RIMS1: variants seen among roughly 807,000 people sequenced by gnomAD.
RIMS1 encodes the protein regulating synaptic membrane exocytosis 1.
RIMS1 carries 83 observed loss-of-function variants against 214.1 expected under a neutral mutation model. The observed-to-expected ratio is 0.39, with a 90% CI of 0.32 to 0.47. The LOEUF (loss-of-function observed/expected upper bound fraction) is 0.47. RIMS1 is among the 20% of genes least tolerant of loss of function. The pLI is 0.99. For missense variants in RIMS1, 2,050 were observed against 2,161.8 expected, an observed-to-expected ratio of 0.95 and a Z score of 1.03; for synonymous variants, 793 against 786.8, an observed-to-expected ratio of 1.01 and a Z score of -0.13.
At chr6:71,922,221 C>T (rs933160563) in intron 1 of RIMS1, among the ~76,000 whole-genome samples, 2 of 152,144 alleles carry the variant, frequency 1.3e-5, no homozygotes, top group Non-Finnish European at 2.9e-5. Context: ...GGCATTAATA[C>T]ACTCACAGTG....
intron 29 of RIMS1, among the ~76,000 whole-genome samples, chr6:72,336,444 G>A (rs2096847318): frequency 6.6e-6 from 1 of 151,804 alleles, no homozygotes; most frequent in African/African-American, 2.4e-5. Flanking sequence ...CCCAGAAGAT[G>A]TATTGTTAAT....
chr6:72,129,276 A>T (rs1400200519), intron 4 of RIMS1, among the ~76,000 whole-genome samples: 1 of 152,176 alleles, frequency 6.6e-6, no homozygotes, highest in Non-Finnish European at 1.5e-5. Flanking sequence ...CCTCAGCAGC[A>T]TGTGAATCTG....
intron 2 of RIMS1, among the ~76,000 whole-genome samples, chr6:72,066,523 T>C (rs560480111): frequency 3.7e-4 from 57 of 152,294 alleles, no homozygotes; most frequent in Middle Eastern, 6.8e-3. Context: ...ATAAAGAAAC[T>C]GGATCCTTTT....
At chr6:72,394,191 A>G (rs1178687562) in intron 31 of RIMS1, among the ~76,000 whole-genome samples, 1 of 152,208 alleles carries the variant, frequency 6.6e-6, no homozygotes, top group Non-Finnish European at 1.5e-5. Flanking sequence ...GATAAAATCT[A>G]TAGAATACCT....
chr6:72,271,598 G>T (rs553931236), intron 22 of RIMS1, among the ~76,000 whole-genome samples: 2 of 151,966 alleles, frequency 1.3e-5, no homozygotes. Context: ...GCAAGTACAG[G>T]TATTAATAAT....
At chr6:72,276,507 G>C (rs1306199012) in intron 23 of RIMS1, among the ~76,000 whole-genome samples, 1 of 152,012 alleles carries the variant, frequency 6.6e-6, no homozygotes, top group African/African-American at 2.4e-5. Flanking sequence ...AACTATAAGA[G>C]TAGATTTTGG....
chr6:72,199,094 A>G (rs1213595273), intron 6 of RIMS1, among the ~76,000 whole-genome samples: 1 of 152,102 alleles, frequency 6.6e-6, no homozygotes, highest in Non-Finnish European at 1.5e-5. Context: ...GGAGGCTCCA[A>G]TAAGAAAGTC....
chr6:71,915,088 T>C (rs1359392944), intron 1 of RIMS1, among the ~76,000 whole-genome samples: 1 of 152,148 alleles, frequency 6.6e-6, no homozygotes, highest in Non-Finnish European at 1.5e-5. Context: ...AAAGTATCCC[T>C]AAATGTTGCA....
chr6:72,364,444 G>A (rs1428897725), intron 29 of RIMS1, among the ~76,000 whole-genome samples: 8 of 152,216 alleles, frequency 5.3e-5, no homozygotes, highest in Middle Eastern at 6.8e-3. Flanking sequence ...AATGTGAATC[G>A]TTTATAGTCT....
chr6:71,902,718 C>T (rs1398505007), intron 1 of RIMS1, among the ~76,000 whole-genome samples: 1 of 152,016 alleles, frequency 6.6e-6, no homozygotes, highest in African/African-American at 2.4e-5. Flanking sequence ...TATTGTTTCT[C>T]TCCATGTGTC....
At chr6:72,167,418 T>C (rs1168714398) in intron 4 of RIMS1, among the ~76,000 whole-genome samples, 1 of 152,118 alleles carries the variant, frequency 6.6e-6, no homozygotes, top group African/African-American at 2.4e-5. Flanking sequence ...GTCAGGATTT[T>C]AGTATTAGGG....
intron 4 of RIMS1, among the ~76,000 whole-genome samples, chr6:72,158,560 TC>T (rs1327366374): frequency 1.3e-5 from 1 of 75,452 alleles, no homozygotes; most frequent in South Asian, 6.5e-4. Flanking sequence ...CCCTCCGCCC[TC>T]CCCCCACCCC....
At chr6:72,086,349 A>G (rs1286585045) in intron 2 of RIMS1, among the ~76,000 whole-genome samples, 1 of 152,164 alleles carries the variant, frequency 6.6e-6, no homozygotes, top group South Asian at 2.1e-4. Flanking sequence ...TTAGATTAGT[A>G]AAGTATTGAT....
At position 72,235,748 on chromosome 6, in the gene RIMS1, A is replaced by G. The variant is rs755565836; in HGVS notation, c.1857+20A>G. 5 of 1,481,292 alleles carry G rather than the reference A, an allele frequency of 3.4e-6. No homozygotes were observed. The highest frequency in any genetic ancestry group is 2.3e-5 in the East Asian group (1 of 42,910). 91.8% of individuals were successfully genotyped at this position (1,481,292 alleles called of 1,614,324 possible). A position where few individuals can be genotyped will look rare whatever the true frequency, so the allele number is the denominator to read the frequency against. ...CTGAAAGTAAGTATGCTGGTTTAAA[A>G]TGTTTCTTAAAGGGTGAATTACAGT... On this transcript the variant is annotated intron_variant, in intron 8 of 33. Coordinates refer to ENST00000521978, the MANE Select transcript of RIMS1 (RefSeq NM_014989.7).
chr6:72,131,363 T>C (rs1008004970), intron 4 of RIMS1, among the ~76,000 whole-genome samples: 5 of 152,174 alleles, frequency 3.3e-5, no homozygotes, highest in African/African-American at 9.7e-5. Flanking sequence ...ACGTAGGTTC[T>C]TTTCTGTTTT....
At chr6:72,270,799 C>A (rs949501347) in intron 22 of RIMS1, among the ~76,000 whole-genome samples, 1 of 152,130 alleles carries the variant, frequency 6.6e-6, no homozygotes, top group African/African-American at 2.4e-5. Flanking sequence ...GTGCCCAATT[C>A]TTTACCATGG....
chr6:72,395,751 CAT>C (rs752086707), intron 31 of RIMS1, among the ~76,000 whole-genome samples: 19 of 152,014 alleles, frequency 1.2e-4, no homozygotes, highest in African/African-American at 2.6e-4. Flanking sequence ...GAATTATTCA[CAT>C]GTTTCTAGCA....
chr6:72,170,207 A>G (rs879869476), intron 4 of RIMS1, among the ~76,000 whole-genome samples: 4 of 77,566 alleles, frequency 5.2e-5, no homozygotes, highest in Admixed American at 5.0e-4. Flanking sequence ...CACTTTCTCA[A>G]TGAAGTTTTT....
At chr6:72,277,513 C>T (rs1179595471) in intron 23 of RIMS1, among the ~76,000 whole-genome samples, 1 of 150,712 alleles carries the variant, frequency 6.6e-6, no homozygotes, top group African/African-American at 2.4e-5. Flanking sequence ...ACCCGGGAGG[C>T]GGAGCTTGCA....
Sources: allele counts gnomAD v4.1 joint callset (sites outside exome capture counted in the v4.1 genomes callset), GRCh38; gene constraint gnomAD v4.1.1; transcripts MANE v1.5; gene names NCBI Gene and HGNC (gene_info 2026-07-23, HGNC 2026-07-21).